Variants in CYSTM1 observed in about 807,000 individuals in gnomAD.
CYSTM1 encodes cysteine rich transmembrane module containing 1, also known as cysteine-rich transmembrane module-containing protein 1.
CYSTM1 carries 4 observed loss-of-function variants against 13.1 expected under a neutral mutation model. The observed-to-expected ratio is 0.31, with a 90% CI of 0.15 to 0.70. The LOEUF is 0.70. Ranked by LOEUF, CYSTM1 falls within the 30% of genes least tolerant of loss-of-function variation. CYSTM1 has a pLI of 0.72. For synonymous variants in CYSTM1, 36 were observed against 42.7 expected, an observed-to-expected ratio of 0.84 and a Z score of 0.62; for missense variants, 96 against 121.6, an observed-to-expected ratio of 0.79 and a Z score of 0.99.
At chr5:140,193,840 C>G (rs1218949677) in intron 1 of CYSTM1, among the ~76,000 whole-genome samples, 1 of 152,200 alleles carries the variant, frequency 6.6e-6, no homozygotes, top group East Asian at 1.9e-4. Flanking sequence ...TCTCTATAAA[C>G]AGCGCTGTCC....
At chr5:140,186,363 C>T (rs1009028114) in intron 1 of CYSTM1, among the ~76,000 whole-genome samples, 46 of 152,208 alleles carry the variant, frequency 3.0e-4, no homozygotes, top group African/African-American at 1.1e-3. Context: ...GGCCTCATCC[C>T]GTGAAGTGTG....
At chr5:140,204,781 G>GTGTGTA (rs1764278178) in intron 2 of CYSTM1, among the ~76,000 whole-genome samples, 1 of 151,978 alleles carries the variant, frequency 6.6e-6, no homozygotes, top group Non-Finnish European at 1.5e-5. Flanking sequence ...GCGCGTGTGT[G>GTGTGTA]TGTGTATGTG....
intron 2 of CYSTM1, among the ~76,000 whole-genome samples, chr5:140,196,016 C>T (rs1421155722): frequency 9.0e-5 from 6 of 66,488 alleles, no homozygotes; most frequent in Non-Finnish European, 1.6e-4. Flanking sequence ...TGCACTCTAG[C>T]CTGGCGACAG....
At chr5:140,243,154 T>C in intron 2 of CYSTM1, 151 bp from the exon 3 acceptor site, 1 of 655,448 alleles carries the variant, frequency 1.5e-6, no homozygotes, top group Non-Finnish European at 2.7e-6. Flanking sequence ...CCTCCTTCCA[T>C]TCAGCAGCAG....
intron 2 of CYSTM1, among the ~76,000 whole-genome samples, chr5:140,204,528 C>G (rs1764272974): frequency 6.6e-6 from 1 of 152,086 alleles, no homozygotes; most frequent in South Asian, 2.1e-4. Context: ...CCCCCCCACC[C>G]CTAAAACATA....
At position 140,219,966 on chromosome 5, in the gene CYSTM1, CT is replaced by C. The variant is rs918790720; in HGVS notation, c.188-23329del. On this transcript the variant is annotated intron_variant, in intron 2 of 2. Coordinates refer to ENST00000261811, the MANE Select transcript of CYSTM1 (RefSeq NM_032412.4). This position sits in a 1 kb window ranked among gnomAD's most constrained non-coding sequence, Gnocchi z 4.1. Reference sequence around the variant, plus strand: ...CAGCTCCACTCAAAGTAACTTCTCTCTTTTTTTTTTCTGTAACCCAGTGCCT... The same window carrying C: ...CAGCTCCACTCAAAGTAACTTCTCTCTTTTTTTTTCTGTAACCCAGTGCCT... Among the ~76,000 whole-genome samples the C allele has an allele frequency of 5.3e-5, 8 of 150,246 alleles. No homozygotes were observed. In the East Asian group the frequency reaches 5.9e-4, roughly 11 times the overall value.
intron 2 of CYSTM1, among the ~76,000 whole-genome samples, chr5:140,229,685 C>G (rs1455799452): frequency 6.6e-6 from 1 of 151,618 alleles, no homozygotes; most frequent in Non-Finnish European, 1.5e-5. Context: ...ATTTATTTAT[C>G]TATTTATTTA....
At chr5:140,183,227 G>T (rs1304331200) in intron 1 of CYSTM1, among the ~76,000 whole-genome samples, 1 of 152,176 alleles carries the variant, frequency 6.6e-6, no homozygotes, top group African/African-American at 2.4e-5. Context: ...CCTTTCTAGT[G>T]TGTCCTCTCA....
At chr5:140,191,409 T>C (rs922707300) in intron 1 of CYSTM1, among the ~76,000 whole-genome samples, 2 of 152,190 alleles carry the variant, frequency 1.3e-5, no homozygotes, top group Non-Finnish European at 1.5e-5. Context: ...TGGAGAAAGA[T>C]ACATACCAAA....
chr5:140,219,698 G>A lies in CYSTM1; in HGVS notation c.188-23607G>A, dbSNP rs1764468481. The stretch of plus-strand genomic sequence containing the variant: ...CTGGTACCTTTTGAAGCCAGTTATG[G>A]TCTGTATACCTAAGATAAAACACGT... On this transcript the variant is annotated intron_variant, in intron 2 of 2. Coordinates refer to ENST00000261811, the MANE Select transcript of CYSTM1 (RefSeq NM_032412.4). This position sits in a 1 kb window ranked among gnomAD's most constrained non-coding sequence, Gnocchi z 4.1. Among the ~76,000 whole-genome samples, 1 of 152,178 alleles carries A rather than the reference G, an allele frequency of 6.6e-6. No individual in the cohort carries two copies. The highest frequency in any genetic ancestry group is 6.6e-5 in the Admixed American group (1 of 15,266).
At chr5:140,212,983 G>GTGTGTATATATATATATATATA (rs1405430820) in intron 2 of CYSTM1, among the ~76,000 whole-genome samples, 3 of 114,302 alleles carry the variant, frequency 2.6e-5, no homozygotes, top group South Asian at 3.6e-4. Context: ...CAAAACAAAA[G>GTGTGTATATATATATATATATA]TATATATATA....
At position 140,175,560 on chromosome 5, in the gene CYSTM1, C is replaced by T. The variant is rs1208809368; in HGVS notation, c.-21+275C>T. Among the ~76,000 whole-genome samples, 1 of 152,230 alleles carries T rather than the reference C, an allele frequency of 6.6e-6. No homozygotes were observed. Among genetic ancestry groups the T allele is most frequent in the Non-Finnish European group, 1.5e-5 (1 of 68,030 alleles). On this transcript the variant is annotated intron_variant, in intron 1 of 2. Coordinates refer to ENST00000261811, the MANE Select transcript of CYSTM1 (RefSeq NM_032412.4). This position sits in a 1 kb window ranked among gnomAD's most constrained non-coding sequence, Gnocchi z 4.9. ...CGGCGGTGGACTCACAGGGTCTCCG[C>T]GTCGCTGCGGTTCTCGTCTCACGAG...
chr5:140,187,221 G>C (rs1002073852), intron 1 of CYSTM1, among the ~76,000 whole-genome samples: 2 of 148,870 alleles, frequency 1.3e-5, no homozygotes, highest in African/African-American at 5.0e-5. Flanking sequence ...ATAGATGTGA[G>C]AGTCAAGACA....
At chr5:140,198,889 G>A (rs1764185339) in intron 2 of CYSTM1, among the ~76,000 whole-genome samples, 2 of 152,284 alleles carry the variant, frequency 1.3e-5, no homozygotes, top group African/African-American at 2.4e-5. Context: ...AGGTATGCAT[G>A]TGCCATGGTG....
At chr5:140,181,221 G>A (rs77563956) in intron 1 of CYSTM1, among the ~76,000 whole-genome samples, 390 of 152,306 alleles carry the variant, frequency 2.6e-3, no homozygotes, top group African/African-American at 8.9e-3. Flanking sequence ...TTGTAAGAAT[G>A]TGGCTATTCT....
chr5:140,176,064 A>G (rs1187414846), intron 1 of CYSTM1, among the ~76,000 whole-genome samples: 1 of 152,004 alleles, frequency 6.6e-6, no homozygotes, highest in Non-Finnish European at 1.5e-5. Context: ...GTTTTGGGGG[A>G]AAAAAAGTTT....
chr5:140,213,082 A>G (rs943353625), intron 2 of CYSTM1, among the ~76,000 whole-genome samples: 1 of 149,646 alleles, frequency 6.7e-6, no homozygotes, highest in African/African-American at 2.4e-5. Flanking sequence ...AGCCTCAGGC[A>G]GGTCCTTCAG....
chr5:140,186,998 C>T (rs1307467180), intron 1 of CYSTM1, among the ~76,000 whole-genome samples: 2 of 151,948 alleles, frequency 1.3e-5, no homozygotes, highest in African/African-American at 2.4e-5. Context: ...TGGTGGTGCA[C>T]GCCTGTAATC....
At chr5:140,188,834 C>G (rs1764056241) in intron 1 of CYSTM1, among the ~76,000 whole-genome samples, 1 of 151,110 alleles carries the variant, frequency 6.6e-6, no homozygotes, top group African/African-American at 2.4e-5. Flanking sequence ...GCCCACAATT[C>G]CAGCACCCAA....
Sources: gnomAD v4.1 joint callset for allele counts (sites outside exome capture counted in the v4.1 genomes callset) on GRCh38, gnomAD v4.1.1 for gene constraint, Gnocchi (gnomAD v3.1) non-coding constraint, MANE v1.5 for transcripts, NCBI Gene and HGNC (gene_info 2026-07-23, HGNC 2026-07-21) for gene names.